The following NOTCH1 variants were observed in gnomAD, a reference collection of about 807,000 sequenced individuals.
NOTCH1 encodes the protein notch receptor 1.
A neutral mutation model predicts 254.8 loss-of-function variants in NOTCH1; 37 were observed. The ratio of observed to expected loss-of-function variants is 0.15; its 90% CI spans 0.11 to 0.19. The LOEUF is 0.19. Among genes scored for constraint, NOTCH1 ranks in the 10% least tolerant of loss-of-function variants. NOTCH1 has a pLI of 1.00. For synonymous variants in NOTCH1, 1,731 were observed against 1,618.1 expected (o/e 1.07, Z -1.68); for missense variants, 2,972 against 3,708.6 (o/e 0.80, Z 5.16).
chr9:136,517,344 C>A lies in NOTCH1; in HGVS notation c.1483G>T (p.Ala495Ser). ...VHCEVNTDEC[A>S]SSPCLHNGRC... The stretch of plus-strand genomic sequence containing the variant: ...CCATTGTGCAGGCAGGGGCTGCTGG[C>A]ACACTCGTCTGTGTTGACCTCGCAG... Residue 495 changes from alanine (A) to serine (S), a missense_variant, in exon 9 of 34, where the codon GCC becomes TCC. By Grantham distance (99) the Ala-to-Ser change is moderately conservative (BLOSUM62 1). Around this residue, in one of 8 missense-constraint regions of NOTCH1, gnomAD observed 128 missense variants for 193.8 expected, o/e 0.66. Coordinates refer to ENST00000651671, the MANE Select transcript of NOTCH1 (RefSeq NM_017617.5). 6.2e-7 allele frequency: 1 copy of A among 1,609,200 alleles called. No homozygotes were observed. Among genetic ancestry groups the A allele is most frequent in the Non-Finnish European group, 8.5e-7 (1 of 1,178,396 alleles).
rs768400804 is a variant in NOTCH1, at chr9:136,497,204, G to C, written c.6535C>G (p.Arg2179Gly). ...GSKEAKDLKA[R>G]RKKSQDGKGC... ...TTGCCGTCCTGGGACTTCTTCCTCC[G>C]TGCCTTGAGGTCCTTGGCCTCCTTG... Residue 2179 changes from arginine (R) to glycine (G), a missense_variant, in exon 34 of 34, where the codon CGG (arginine) becomes GGG (glycine). Physicochemically the swap from Arg to Gly is moderately radical, Grantham distance 125. This residue lies in a region of NOTCH1 where 529 missense variants were observed against 529.2 expected (regional missense o/e 1.00). Transcript: ENST00000651671. 1.2e-6 allele frequency: 2 copies of C among 1,612,814 alleles called. No homozygotes were observed. The highest frequency in any genetic ancestry group is 1.7e-6 in the Non-Finnish European group (2 of 1,179,972).
intron 26 of NOTCH1, 127 bp downstream of exon 26, chr9:136,504,546 C>T (rs1001741267): frequency 1.3e-5 from 14 of 1,075,866 alleles, no homozygotes; most frequent in Non-Finnish European, 1.8e-5. Flanking sequence ...TCGGAACCTC[C>T]GTCTCTTTTA....
rs1843011974 is a variant in NOTCH1, at chr9:136,502,382, G to A, written c.5274C>T (p.Arg1758=). The A allele has an allele frequency of 6.2e-7, 1 of 1,612,280 alleles. No homozygotes were observed. The highest frequency in any genetic ancestry group is 2.2e-5 in the East Asian group (1 of 44,870). ...GCTGGCCATGCTGCCGCCGGCGCTT[G>A]CGGGACAGCAGCACCCCGCAGCCCA... ...FFVGCGVLLS[R]KRRRQHGQLW... The change falls in exon 28 of 34, where the codon CGC becomes CGT. Residue 1758 remains arginine (R), a synonymous_variant. Coordinates refer to ENST00000651671, the MANE Select transcript of NOTCH1 (RefSeq NM_017617.5).
Position 136,495,710 on chromosome 9 carries a change from G to T in NOTCH1, c.*361C>A. Reference sequence around the variant, plus strand: ...ATTTCTTTTTGGATTTTGAAAAAAGGAATCAATAAATAAATGGCATTTATA... The same window carrying T: ...ATTTCTTTTTGGATTTTGAAAAAAGTAATCAATAAATAAATGGCATTTATA... On this transcript the variant is annotated 3_prime_UTR_variant, in exon 34 of 34. Coordinates refer to ENST00000651671, the MANE Select transcript of NOTCH1 (RefSeq NM_017617.5). 2.4e-6 allele frequency: 1 copy of T among 408,766 alleles called. No individual in the cohort carries two copies. The highest frequency in any genetic ancestry group is 4.3e-6 in the Non-Finnish European group (1 of 231,644). The allele number at this position is 408,766 out of a possible 1,614,324, so 25.3% of individuals were successfully genotyped here. A position where few individuals can be genotyped will look rare whatever the true frequency, so the allele number is the denominator to read the frequency against.
intron 2 of NOTCH1, among the ~76,000 whole-genome samples, chr9:136,525,906 A>T (rs1427878722): frequency 6.6e-6 from 1 of 152,218 alleles, no homozygotes; most frequent in Non-Finnish European, 1.5e-5. Flanking sequence ...CAAAAGGGCC[A>T]CTCTGGCCGA....
chr9:136,521,115 G>A (rs568394026), intron 4 of NOTCH1, among the ~76,000 whole-genome samples: 105 of 152,344 alleles, frequency 6.9e-4, no homozygotes, highest in African/African-American at 2.5e-3. Context: ...AGAGGTGGCT[G>A]AGGGCCCTTC....
intron 16 of NOTCH1, 150 bp downstream of exon 16, chr9:136,511,002 T>A: frequency 7.1e-7 from 1 of 1,405,202 alleles, no homozygotes; most frequent in South Asian, 1.2e-5. Context: ...CCCAGGTCAA[T>A]TCCTGATTCC....
chr9:136,500,668 G>T lies in NOTCH1; in HGVS notation c.5818C>A (p.Arg1940Ser). Residue 1940 changes from arginine (R) to serine (S), a missense_variant, in exon 31 of 34, where the codon CGC (arginine) becomes AGC (serine). Arg to Ser is a moderately radical substitution (Grantham distance 110, BLOSUM62 -1). Around this residue, in one of 8 missense-constraint regions of NOTCH1, gnomAD observed 421 missense variants for 604.4 expected, o/e 0.70. Coordinates refer to ENST00000651671, the MANE Select transcript of NOTCH1 (RefSeq NM_017617.5). ...TALHLAARYSRSDAAKRLLEA... is the reference protein window; with the variant it reads ...TALHLAARYSSSDAAKRLLEA... The stretch of plus-strand genomic sequence containing the variant: ...AGCAGGCGCTTGGCGGCATCAGAGC[G>T]TGAGTAGCGGGCGGCCAGGTGCAAG... 1 of 1,611,638 alleles carries T rather than the reference G, an allele frequency of 6.2e-7. No individual in the cohort carries two copies.
At position 136,497,355 on chromosome 9, in the gene NOTCH1, CG is replaced by C. The variant is rs1564568685; in HGVS notation, c.6383del (p.Pro2128ArgfsTer120). The C allele has an allele frequency of 6.2e-7, 1 of 1,606,684 alleles. No homozygotes were observed. Among genetic ancestry groups the C allele is most frequent in the African/African-American group, 1.3e-5 (1 of 74,918 alleles). Reference sequence around the variant, plus strand: ...GCGACAGGGTGGGCGTGCCCCCCAGCGGGGCTCCGTGCAGCTGCGGGCTGCG... The same window carrying C: ...GCGACAGGGTGGGCGTGCCCCCCAGCGGGCTCCGTGCAGCTGCGGGCTGCG... ...LVRSPQLHGA[P>X]LGGTPTLSPP... On this transcript the variant is annotated frameshift_variant, in exon 34 of 34. Transcript: ENST00000651671. LOFTEE classifies it high-confidence loss of function.
chr9:136,511,423 T>A, intron 15 of NOTCH1, 152 bp from the exon 16 acceptor site: 1 of 971,114 alleles, frequency 1.0e-6, no homozygotes, highest in Non-Finnish European at 1.5e-6. Context: ...CGCTCCCGGC[T>A]GTGCCAGGAC....
At chr9:136,515,801 C>T in intron 10 of NOTCH1, 85 bp from the exon 11 acceptor site, 2 of 1,338,834 alleles carry the variant, frequency 1.5e-6, no homozygotes, top group Non-Finnish European at 2.1e-6. Context: ...GTCACCTGTG[C>T]CAACCTGAGG....
chr9:136,531,307 C>CA (rs1843554713), intron 2 of NOTCH1, among the ~76,000 whole-genome samples: 1 of 152,230 alleles, frequency 6.6e-6, no homozygotes, highest in Admixed American at 6.5e-5. Flanking sequence ...ATGCCCAGCA[C>CA]ACCACCCGGA....
chr9:136,538,170 T>C (rs1039091558), intron 2 of NOTCH1, among the ~76,000 whole-genome samples: 1 of 152,222 alleles, frequency 6.6e-6, no homozygotes, highest in Admixed American at 6.5e-5. Flanking sequence ...AAACCAGTCC[T>C]TAGCTCCCTT....
rs1589059429 is a variant in NOTCH1 at position 136,506,429 on chromosome 9, G to A, written c.4014+98C>T. On this transcript the variant is annotated intron_variant, in intron 24 of 33. Transcript: ENST00000651671. The surrounding 1 kb of genome is among the most constrained non-coding windows in gnomAD (Gnocchi z 4.5). The stretch of plus-strand genomic sequence containing the variant: ...AGGGTGAGGAGGAGGATGAAGGCCG[G>A]GAGGATCACTGCCCGGTCTGCGCCC... The A allele has an allele frequency of 2.0e-6, 2 of 997,080 alleles. No individual in the cohort carries two copies. The highest frequency in any genetic ancestry group is 5.3e-5 in the East Asian group (2 of 37,954). The allele number at this position is 997,080 out of a possible 1,614,324, so 61.8% of individuals were successfully genotyped here.
intron 2 of NOTCH1, among the ~76,000 whole-genome samples, chr9:136,528,807 G>A (rs1211316901): frequency 6.6e-6 from 1 of 152,102 alleles, no homozygotes; most frequent in Admixed American, 6.5e-5. Context: ...TCCCCTGGCA[G>A]CAGTGTGGTC....
chr9:136,507,033 C>T (rs2133344619), intron 22 of NOTCH1, 60 bp from the exon 23 acceptor site: 15 of 1,574,998 alleles, frequency 9.5e-6, no homozygotes, highest in Middle Eastern at 4.5e-4. Flanking sequence ...TGCCGTGCCG[C>T]GTGTCCGTCC....
intron 2 of NOTCH1, among the ~76,000 whole-genome samples, chr9:136,529,443 C>T (rs4265307): frequency 0.3 from 46,257 of 152,196 alleles, 7,815 homozygotes; most frequent in East Asian, 0.73. Context: ...CAGGAGGCAC[C>T]GGCTGCTAAG....
rs1226362708 is a variant in NOTCH1 at position 136,495,907 on chromosome 9, A to T, written c.*164T>A. 4 of 738,362 alleles carry T rather than the reference A, an allele frequency of 5.4e-6. No individual in the cohort carries two copies. Among genetic ancestry groups the T allele is most frequent in the Non-Finnish European group, 8.4e-6 (4 of 474,218 alleles). 45.7% of individuals were successfully genotyped at this position (738,362 alleles called of 1,614,324 possible). On this transcript the variant is annotated 3_prime_UTR_variant, in exon 34 of 34. Coordinates refer to ENST00000651671, the MANE Select transcript of NOTCH1 (RefSeq NM_017617.5). ...AAAGGCAGTGTTTCTGTGTAAAATA[A>T]AAGTACATAAATAAATACTAAAAAA...
At chr9:136,522,769 T>C (rs1589071743) in intron 4 of NOTCH1, 81 bp downstream of exon 4, 5 of 1,343,820 alleles carry the variant, frequency 3.7e-6, no homozygotes, top group East Asian at 5.1e-5. Flanking sequence ...GGGCTGCCCC[T>C]ACACCAGGCG....
Sources: gnomAD v4.1 joint callset for allele counts (sites outside exome capture counted in the v4.1 genomes callset) on GRCh38, gnomAD v4.1.1 for gene constraint, gnomAD v4.1.1 regional missense constraint, Gnocchi (gnomAD v3.1) non-coding constraint, MANE v1.5 for transcripts, NCBI Gene and HGNC (gene_info 2026-07-23, HGNC 2026-07-21) for gene names.